Variants in BBC3 observed in about 807,000 individuals in gnomAD.
The protein encoded by BBC3 is BCL2 binding component 3, also known as bcl-2-binding component 3.
In BBC3, 5 loss-of-function variants were observed where a neutral mutation model predicts 18.2. The ratio of observed to expected loss-of-function variants is 0.27; its 90% CI spans 0.14 to 0.58. The LOEUF is 0.58. BBC3 is among the 20% of genes least tolerant of loss of function. The pLI is 0.91. For missense variants in BBC3, 224 were observed against 268.9 expected (o/e 0.83, Z 1.17); for synonymous variants, 119 against 128.0 (o/e 0.93, Z 0.47).
chr19:47,227,097 T>C (rs2058837594), intron 2 of BBC3: 2 of 201,722 alleles, frequency 9.9e-6, no homozygotes, highest in Non-Finnish European at 1.0e-5. Flanking sequence ...GCAGGGAAAC[T>C]GAGGCCCGCC....
At position 47,221,923 on chromosome 19, in the gene BBC3, G is replaced by A; in HGVS notation, c.466-5C>T. On this transcript the variant is annotated splice_region_variant and splice_polypyrimidine_tract_variant and intron_variant, in intron 3 of 3. Transcript: ENST00000439096. ...CCGCTGCTGCTCCTCTTGTCTCTGG[G>A]GAAAAGAGAGAGAAGGGGCAGTTAG... 1 of 1,596,968 alleles carries A rather than the reference G, an allele frequency of 6.3e-7. No homozygotes were observed. Among genetic ancestry groups the A allele is most frequent in the Non-Finnish European group, 8.5e-7 (1 of 1,171,936 alleles).
intron 3 of BBC3, among the ~76,000 whole-genome samples, chr19:47,225,139 G>A (rs1411030715): frequency 2.6e-5 from 4 of 151,984 alleles, no homozygotes; most frequent in African/African-American, 7.2e-5. Flanking sequence ...TCGAACTCCC[G>A]ACCTCAGGTG....
chr19:47,223,011 CTG>C lies in BBC3; in HGVS notation c.466-1095_466-1094del, dbSNP rs1329729232. On this transcript the variant is annotated intron_variant, in intron 3 of 3. Coordinates refer to ENST00000439096, the MANE Select transcript of BBC3 (RefSeq NM_014417.5). ...ACAGGCCGGGTGCGGTGGCTCACGC[CTG>C]TAATCCCAGCACCTTGGGAGGCCGA... Among the ~76,000 whole-genome samples, 3 of 151,322 alleles carry C rather than the reference CTG, an allele frequency of 2.0e-5. No homozygotes were observed. The East Asian group carries it at 5.8e-4, about 29-fold the overall frequency.
rs1278682746 is a variant in BBC3, at chr19:47,221,461, C to T, written c.*341G>A. The T allele has an allele frequency of 9.6e-6, 2 of 208,912 alleles. No individual in the cohort carries two copies. Among genetic ancestry groups the T allele is most frequent in the Non-Finnish European group, 1.7e-5 (2 of 120,970 alleles). The allele number at this position is 208,912 out of a possible 1,614,324, so 12.9% of individuals were successfully genotyped here. On this transcript the variant is annotated 3_prime_UTR_variant, in exon 4 of 4. Coordinates refer to ENST00000439096, the MANE Select transcript of BBC3 (RefSeq NM_014417.5). The stretch of plus-strand genomic sequence containing the variant: ...CCCAGTGTCACCCCTGCAGCTGGAA[C>T]GGGCACCAGCACAACAGCCTTTCCT...
In BBC3 at chr19:47,221,909, C is replaced by T. The variant is rs1262150015; in HGVS notation, c.475G>A (p.Glu159Lys). 1 of 1,602,920 alleles carries T rather than the reference C, an allele frequency of 6.2e-7. No individual in the cohort carries two copies. The highest frequency in any genetic ancestry group is 2.2e-5 in the East Asian group (1 of 44,540). Residue 159 changes from glutamate to lysine, a missense_variant, in exon 4 of 4, where the codon GAG becomes AAG. By Grantham distance (56) the Glu-to-Lys change is moderately conservative (BLOSUM62 1). Coordinates refer to ENST00000439096, the MANE Select transcript of BBC3 (RefSeq NM_014417.5). ...GGTGAGGGGCGGTGCCGCTGCTGCTCCTCTTGTCTCTGGGGAAAAGAGAGA... is the reference window on the plus strand; with the variant it reads ...GGTGAGGGGCGGTGCCGCTGCTGCTTCTCTTGTCTCTGGGGAAAAGAGAGA... ...NAQYERRRQE[E>K]QQRHRPSPWR... is the part of the protein sequence containing the mutation.
chr19:47,224,219 C>T (rs532220794), intron 3 of BBC3, among the ~76,000 whole-genome samples: 2 of 152,064 alleles, frequency 1.3e-5, no homozygotes, highest in South Asian at 2.1e-4. Context: ...CACTTGAACC[C>T]GGGAGGTGAA....
Position 47,228,361 on chromosome 19 carries a change from G to A in BBC3, c.71C>T (p.Pro24Leu). The A allele has an allele frequency of 1.6e-6, 2 of 1,230,844 alleles. No individual in the cohort carries two copies. The highest frequency in any genetic ancestry group is 2.0e-6 in the Non-Finnish European group (2 of 987,510). The allele number at this position is 1,230,844 out of a possible 1,614,324, so 76.2% of individuals were successfully genotyped here. A position where few individuals can be genotyped will look rare whatever the true frequency, so the allele number is the denominator to read the frequency against. ...GGGCACCAGGCGGCCGAGCGGGAAG[G>A]GGCGCGGGCCGTCGCGGGCCAGGCC... ...VEGLARDGPR[P>L]FPLGRLVPSA... Residue 24 changes from proline (P) to leucine (L), a missense_variant, in exon 2 of 4, where the codon CCC becomes CTC. Pro to Leu is a moderately conservative substitution (Grantham distance 98, BLOSUM62 -3). Coordinates refer to ENST00000439096, the MANE Select transcript of BBC3 (RefSeq NM_014417.5). This position sits in a 1 kb window ranked among gnomAD's most constrained non-coding sequence, Gnocchi z 5.5.
In BBC3 at chr19:47,228,501, A is replaced by AC; in HGVS notation, c.-15-56dup. Reference sequence around the variant, plus strand: ...GCAGGGAAGTACCAGGGCCCACTGTACCTCCAGCCTACCCGGGGTTAGGAC... The same window carrying AC: ...GCAGGGAAGTACCAGGGCCCACTGTACCCTCCAGCCTACCCGGGGTTAGGAC... On this transcript the variant is annotated intron_variant, in intron 1 of 3. Coordinates refer to ENST00000439096, the MANE Select transcript of BBC3 (RefSeq NM_014417.5). This position sits in a 1 kb window ranked among gnomAD's most constrained non-coding sequence, Gnocchi z 5.5. 8.2e-7 allele frequency: 1 copy of AC among 1,224,928 alleles called. No individual in the cohort carries two copies. The allele number at this position is 1,224,928 out of a possible 1,614,324, so 75.9% of individuals were successfully genotyped here. A position where few individuals can be genotyped will look rare whatever the true frequency, so the allele number is the denominator to read the frequency against.
upstream of BBC3, among the ~76,000 whole-genome samples, chr19:47,231,499 ACC>A (rs2058915328): frequency 6.7e-6 from 1 of 150,094 alleles, no homozygotes. The surrounding 1 kb of genome is among the most constrained non-coding windows in gnomAD (Gnocchi z 4.0). Flanking sequence ...ACTGACTGGG[ACC>A]CACAGATCCA....
At chr19:47,222,048 G>T (rs577463832) in intron 3 of BBC3, 130 bp from the exon 4 acceptor site, 2 of 810,770 alleles carry the variant, frequency 2.5e-6, no homozygotes, top group South Asian at 4.0e-5. Flanking sequence ...CCCCGCCTGG[G>T]CTAATGTCCA....
intron 3 of BBC3, among the ~76,000 whole-genome samples, chr19:47,224,967 A>G (rs952090044): frequency 2.3e-4 from 34 of 151,062 alleles, no homozygotes. Flanking sequence ...GCTGGAGTGC[A>G]ATGGCACGAT....
chr19:47,228,343 A>G lies in BBC3; in HGVS notation c.89T>C (p.Leu30Pro). Residue 30 changes from leucine (L) to proline (P), a missense_variant, in exon 2 of 4, where the codon CTG becomes CCG. Transcript: ENST00000439096. The surrounding 1 kb of genome is among the most constrained non-coding windows in gnomAD (Gnocchi z 5.5). ...DGPRPFPLGR[L>P]VPSAVSCGLC... ...GCCGCAGGACACTGCCGAGGGCACC[A>G]GGCGGCCGAGCGGGAAGGGGCGCGG... 4 of 1,228,892 alleles carry G rather than the reference A, an allele frequency of 3.3e-6. No individual in the cohort carries two copies. Among genetic ancestry groups the G allele is most frequent in the Non-Finnish European group, 4.1e-6 (4 of 986,546 alleles). The allele number at this position is 1,228,892 out of a possible 1,614,324, so 76.1% of individuals were successfully genotyped here. A position where few individuals can be genotyped will look rare whatever the true frequency, so the allele number is the denominator to read the frequency against.
chr19:47,231,311 G>T (rs896780202), upstream of BBC3: 2 of 635,102 alleles, frequency 3.1e-6, no homozygotes, highest in Non-Finnish European at 3.9e-6. The surrounding 1 kb of genome is among the most constrained non-coding windows in gnomAD (Gnocchi z 4.0). Context: ...GGCCCCGCCC[G>T]CCCGCCGCGG....
At chr19:47,232,080 G>A (rs1037570765), upstream of BBC3, among the ~76,000 whole-genome samples, 3 of 152,170 alleles carry the variant, frequency 2.0e-5, no homozygotes, top group African/African-American at 7.2e-5. Flanking sequence ...CGCCCGACAC[G>A]GTGGCTCATG....
chr19:47,221,690 A>G lies in BBC3; in HGVS notation c.*112T>C. 5.2e-6 allele frequency: 8 copies of G among 1,551,658 alleles called. No homozygotes were observed. Among genetic ancestry groups the G allele is most frequent in the Non-Finnish European group, 6.9e-6 (8 of 1,155,452 alleles). Reference sequence around the variant, plus strand: ...CGCCCCCGGGACAGGCAGGGCTGGGAGTCCAGTATGCTACATGGTGCAGAG... The same window carrying G: ...CGCCCCCGGGACAGGCAGGGCTGGGGGTCCAGTATGCTACATGGTGCAGAG... On this transcript the variant is annotated 3_prime_UTR_variant, in exon 4 of 4. Coordinates refer to ENST00000439096, the MANE Select transcript of BBC3 (RefSeq NM_014417.5).
At chr19:47,227,448 G>C (rs912566180) in intron 2 of BBC3, among the ~76,000 whole-genome samples, 24 of 152,094 alleles carry the variant, frequency 1.6e-4, no homozygotes, top group South Asian at 2.1e-4. Flanking sequence ...CTTGAAATCG[G>C]TGTCCCCTTC....
At position 47,228,938 on chromosome 19, in the gene BBC3, T is replaced by A. The variant is rs1358487858; in HGVS notation, c.-15-492A>T. Among the ~76,000 whole-genome samples, 2 of 151,722 alleles carry A rather than the reference T, an allele frequency of 1.3e-5. No homozygotes were observed. The highest frequency in any genetic ancestry group is 2.9e-5 in the Non-Finnish European group (2 of 67,926). Reference sequence around the variant, plus strand: ...CCTGACCGCCCACCCCACCTCCCACTTGCACACAAACACTGAGATGGCCCC... The same window carrying A: ...CCTGACCGCCCACCCCACCTCCCACATGCACACAAACACTGAGATGGCCCC... On this transcript the variant is annotated intron_variant, in intron 1 of 3. Coordinates refer to ENST00000439096, the MANE Select transcript of BBC3 (RefSeq NM_014417.5). This position sits in a 1 kb window ranked among gnomAD's most constrained non-coding sequence, Gnocchi z 5.5.
At position 47,228,837 on chromosome 19, in the gene BBC3, G is replaced by C. The variant is rs942926590; in HGVS notation, c.-15-391C>G. Among the ~76,000 whole-genome samples the C allele has an allele frequency of 5.3e-5, 8 of 151,978 alleles. No individual in the cohort carries two copies. Among genetic ancestry groups the C allele is most frequent in the Non-Finnish European group, 8.8e-5 (6 of 67,986 alleles). On this transcript the variant is annotated intron_variant, in intron 1 of 3. Transcript: ENST00000439096. The surrounding 1 kb of genome is among the most constrained non-coding windows in gnomAD (Gnocchi z 5.5). ...GGGACAACTTTCCCAACACAGCGAC[G>C]GGCACACAGGGAGGGCAGTGAGGCA...
At position 47,228,065 on chromosome 19, in the gene BBC3, C is replaced by T. The variant is rs1600248536; in HGVS notation, c.274+93G>A. ...AGTGGCCCGGCTGGGCCCGCCACCT[C>T]CCCCCGTCCTCTCCCACTTCTCCAG... On this transcript the variant is annotated intron_variant, in intron 2 of 3. Coordinates refer to ENST00000439096, the MANE Select transcript of BBC3 (RefSeq NM_014417.5). This position sits in a 1 kb window ranked among gnomAD's most constrained non-coding sequence, Gnocchi z 5.5. 7.7e-6 allele frequency: 8 copies of T among 1,045,652 alleles called. No individual in the cohort carries two copies. The highest frequency in any genetic ancestry group is 3.6e-4 in the Middle Eastern group (1 of 2,740). 64.8% of individuals were successfully genotyped at this position (1,045,652 alleles called of 1,614,324 possible).
Sources: allele counts gnomAD v4.1 joint callset (sites outside exome capture counted in the v4.1 genomes callset), GRCh38; gene constraint gnomAD v4.1.1; non-coding constraint Gnocchi (gnomAD v3.1); transcripts MANE v1.5; gene names NCBI Gene and HGNC (gene_info 2026-07-23, HGNC 2026-07-21).